Variants in RFTN1 observed in about 807,000 individuals in gnomAD.
The protein encoded by RFTN1 is raftlin.
Under a neutral mutation model 46.5 loss-of-function variants are expected in RFTN1, and 26 were observed. The ratio of observed to expected loss-of-function variants is 0.56; its 90% CI spans 0.41 to 0.78. The LOEUF (loss-of-function observed/expected upper bound fraction) is 0.78, where lower values mean the gene tolerates loss of function less well. Among genes scored for constraint, RFTN1 ranks in the 30% least tolerant of loss-of-function variants. The pLI, the probability that RFTN1 is intolerant of heterozygous loss-of-function variation, is 0.00. For missense variants in RFTN1, 693 were observed against 718.7 expected (o/e 0.96, Z 0.41); for synonymous variants, 261 against 284.2 (o/e 0.92, Z 0.82).
At chr3:16,409,626 T>G in intron 3 of RFTN1, 143 bp from the exon 4 acceptor site, 1 of 551,144 alleles carries the variant, frequency 1.8e-6, no homozygotes, top group Non-Finnish European at 3.3e-6. Flanking sequence ...CAAGCAATTG[T>G]CCTGCCTCAG....
rs2075193418 is a variant in RFTN1 at position 16,421,896 on chromosome 3, T to C, written c.332+11955A>G. On this transcript the variant is annotated intron_variant, in intron 3 of 9. Transcript: ENST00000334133. The surrounding 1 kb of genome is among the most constrained non-coding windows in gnomAD (Gnocchi z 4.6). ...TTACTGAGATCTCAGCTGAAAGTGCTTCCCTGAACCCAGCCCTTCTGCAGG... is the reference window on the plus strand; with the variant it reads ...TTACTGAGATCTCAGCTGAAAGTGCCTCCCTGAACCCAGCCCTTCTGCAGG... 6.6e-6 allele frequency among the ~76,000 whole-genome samples: 1 copy of C among 152,204 alleles called. No homozygotes were observed.
intron 1 of RFTN1, among the ~76,000 whole-genome samples, chr3:16,508,720 ACACC>A (rs1489799170): frequency 1.6e-4 from 24 of 151,616 alleles, no homozygotes; most frequent in Non-Finnish European, 2.7e-4. Context: ...ACACACACAC[ACACC>A]CCTTTAAAAG....
In RFTN1 at chr3:16,344,881, A is replaced by T. The variant is rs1351368008; in HGVS notation, c.1146+13051T>A. Among the ~76,000 whole-genome samples the T allele has an allele frequency of 1.3e-5, 2 of 152,100 alleles. No homozygotes were observed. Among genetic ancestry groups the T allele is most frequent in the Non-Finnish European group, 2.9e-5 (2 of 68,006 alleles). On this transcript the variant is annotated intron_variant, in intron 7 of 9. Coordinates refer to ENST00000334133, the MANE Select transcript of RFTN1 (RefSeq NM_015150.2). The surrounding 1 kb of genome is among the most constrained non-coding windows in gnomAD (Gnocchi z 4.4). Reference sequence around the variant, plus strand: ...CACATAACTACAAGAACACCCCCCAACCTTTTATGCTCACTGATTTAATAT... The same window carrying T: ...CACATAACTACAAGAACACCCCCCATCCTTTTATGCTCACTGATTTAATAT...
In RFTN1 at chr3:16,370,305, A is replaced by G. The variant is rs1381295191; in HGVS notation, c.827-26T>C. ...CTGTTGGGATTTGTAAAGGGAGTGGAGAGAGAAGAGGTCAACTGATGATAA... is the reference window on the plus strand; with the variant it reads ...CTGTTGGGATTTGTAAAGGGAGTGGGGAGAGAAGAGGTCAACTGATGATAA... On this transcript the variant is annotated intron_variant, in intron 5 of 9. Coordinates refer to ENST00000334133, the MANE Select transcript of RFTN1 (RefSeq NM_015150.2). This position sits in a 1 kb window ranked among gnomAD's most constrained non-coding sequence, Gnocchi z 5.5. The G allele has an allele frequency of 1.9e-6, 3 of 1,607,532 alleles. No individual in the cohort carries two copies.
At chr3:16,378,961 T>A (rs1009124261) in intron 4 of RFTN1, among the ~76,000 whole-genome samples, 1 of 152,110 alleles carries the variant, frequency 6.6e-6, no homozygotes, top group African/African-American at 2.4e-5. Flanking sequence ...AAAGAAAAAT[T>A]GAAAATAAAT....
At chr3:16,423,286 A>G (rs2075226303) in intron 3 of RFTN1, among the ~76,000 whole-genome samples, 1 of 152,140 alleles carries the variant, frequency 6.6e-6, no homozygotes, top group Non-Finnish European at 1.5e-5. Flanking sequence ...TCACAACTGC[A>G]GGGATGGGGG....
At chr3:16,431,652 T>G (rs1010912253) in intron 3 of RFTN1, among the ~76,000 whole-genome samples, 2 of 152,186 alleles carry the variant, frequency 1.3e-5, no homozygotes, top group Admixed American at 6.5e-5. Context: ...GCCACTCGGA[T>G]AATCTGCAGA....
In RFTN1 at chr3:16,352,166, G is replaced by A. The variant is rs1304947994; in HGVS notation, c.1146+5766C>T. On this transcript the variant is annotated intron_variant, in intron 7 of 9. Coordinates refer to ENST00000334133, the MANE Select transcript of RFTN1 (RefSeq NM_015150.2). This position sits in a 1 kb window ranked among gnomAD's most constrained non-coding sequence, Gnocchi z 4.6. Reference sequence around the variant, plus strand: ...ACCAGCCACCATACCAATTGCATCAGCTGTAAGTGCTTTTTCTACTCTCTT... The same window carrying A: ...ACCAGCCACCATACCAATTGCATCAACTGTAAGTGCTTTTTCTACTCTCTT... Among the ~76,000 whole-genome samples the A allele has an allele frequency of 6.6e-6, 1 of 152,226 alleles. No individual in the cohort carries two copies. The highest frequency in any genetic ancestry group is 1.9e-4 in the East Asian group (1 of 5,192).
rs1284943908 is a variant in RFTN1, at chr3:16,440,296, C to T, written c.146-6259G>A. Reference sequence around the variant, plus strand: ...CTTGGCTCACTGAAACCTCCGCCTTCTGGACTCAAGTGATCCTCCTGCCTC... The same window carrying T: ...CTTGGCTCACTGAAACCTCCGCCTTTTGGACTCAAGTGATCCTCCTGCCTC... On this transcript the variant is annotated intron_variant, in intron 2 of 9. Transcript: ENST00000334133. The surrounding 1 kb of genome is among the most constrained non-coding windows in gnomAD (Gnocchi z 4.6). 6.6e-6 allele frequency among the ~76,000 whole-genome samples: 1 copy of T among 152,242 alleles called. No individual in the cohort carries two copies. Among genetic ancestry groups the T allele is most frequent in the Admixed American group, 6.5e-5 (1 of 15,292 alleles).
rs1402386056 is a variant in RFTN1 at position 16,352,687 on chromosome 3, G to A, written c.1146+5245C>T. Among the ~76,000 whole-genome samples the A allele has an allele frequency of 6.6e-6, 1 of 152,220 alleles. No homozygotes were observed. Among genetic ancestry groups the A allele is most frequent in the African/African-American group, 2.4e-5 (1 of 41,452 alleles). ...TACCAGGTGACTGACACAGAAAGCAGTATGTAGTGAGGGCTTACTATGTGC... is the reference window on the plus strand; with the variant it reads ...TACCAGGTGACTGACACAGAAAGCAATATGTAGTGAGGGCTTACTATGTGC... On this transcript the variant is annotated intron_variant, in intron 7 of 9. Coordinates refer to ENST00000334133, the MANE Select transcript of RFTN1 (RefSeq NM_015150.2). The surrounding 1 kb of genome is among the most constrained non-coding windows in gnomAD (Gnocchi z 4.6).
At position 16,450,484 on chromosome 3, in the gene RFTN1, A is replaced by G. The variant is rs919825137; in HGVS notation, c.146-16447T>C. ...CTCTCCCACTGCACCATGATGCTGC[A>G]TGACCTGAAGTCCACCAGCATCCTG... On this transcript the variant is annotated intron_variant, in intron 2 of 9. Transcript: ENST00000334133. The surrounding 1 kb of genome is among the most constrained non-coding windows in gnomAD (Gnocchi z 4.6). Among the ~76,000 whole-genome samples the G allele has an allele frequency of 2.6e-5, 4 of 152,176 alleles. No individual in the cohort carries two copies. The highest frequency in any genetic ancestry group is 4.8e-5 in the African/African-American group (2 of 41,452).
At chr3:16,339,604 C>A (rs490059) in intron 7 of RFTN1, 106,222 of 152,086 alleles carry the variant, frequency 0.7, 37,245 homozygotes, top group Admixed American at 0.76. Flanking sequence ...TGATGAAAAA[C>A]CCAAAGTCCA....
chr3:16,335,529 C>G lies in RFTN1; in HGVS notation c.1147-8653G>C, dbSNP rs1004698748. On this transcript the variant is annotated intron_variant, in intron 7 of 9. Coordinates refer to ENST00000334133, the MANE Select transcript of RFTN1 (RefSeq NM_015150.2). The surrounding 1 kb of genome is among the most constrained non-coding windows in gnomAD (Gnocchi z 4.7). The stretch of plus-strand genomic sequence containing the variant: ...CGCAGGAACAGAAAATCAAACACCA[C>G]ATGTTCTCACTTACAAGTGGGAGAG... 3.9e-5 allele frequency among the ~76,000 whole-genome samples: 6 copies of G among 152,200 alleles called. No individual in the cohort carries two copies. Among genetic ancestry groups the G allele is most frequent in the African/African-American group, 9.7e-5 (4 of 41,438 alleles).
At chr3:16,403,789 TTATA>T (rs2074692271) in intron 4 of RFTN1, among the ~76,000 whole-genome samples, 1 of 12,856 alleles carries the variant, frequency 7.8e-5, no homozygotes, top group Admixed American at 1.6e-3. Context: ...ATTATATATT[TTATA>T]TATAATATAT....
Position 16,374,850 on chromosome 3 carries a change from G to A in RFTN1, c.826+2868C>T, listed in dbSNP as rs1050090786. Among the ~76,000 whole-genome samples the A allele has an allele frequency of 3.7e-4, 57 of 152,248 alleles. No homozygotes were observed. Among genetic ancestry groups the A allele is most frequent in the African/African-American group, 1.3e-3 (54 of 41,550 alleles). The stretch of plus-strand genomic sequence containing the variant: ...CAGCGAGCAGGAAGAGGAACCCACG[G>A]CGGGCCTCCCCAAGAACCTGCAGGG... On this transcript the variant is annotated intron_variant, in intron 5 of 9. Transcript: ENST00000334133. This position sits in a 1 kb window ranked among gnomAD's most constrained non-coding sequence, Gnocchi z 5.4.
chr3:16,413,058 GA>G lies in RFTN1; in HGVS notation c.333-3576del, dbSNP rs2075006323. 6.6e-6 allele frequency among the ~76,000 whole-genome samples: 1 copy of G among 152,206 alleles called. No individual in the cohort carries two copies. The highest frequency in any genetic ancestry group is 1.5e-5 in the Non-Finnish European group (1 of 68,036). On this transcript the variant is annotated intron_variant, in intron 3 of 9. Coordinates refer to ENST00000334133, the MANE Select transcript of RFTN1 (RefSeq NM_015150.2). The surrounding 1 kb of genome is among the most constrained non-coding windows in gnomAD (Gnocchi z 4.7). ...TATGATAATAAATACGTACCATTTT[GA>G]ACCATGAAATGTGTTATCATTTATT...
In RFTN1 at chr3:16,490,116, G is replaced by A. The variant is rs145730293; in HGVS notation, c.145+3609C>T. Among the ~76,000 whole-genome samples, 1,053 of 152,304 alleles carry A rather than the reference G, an allele frequency of 6.9e-3. 12 individuals are homozygous for A. Among genetic ancestry groups the A allele is most frequent in the African/African-American group, 0.024 (977 of 41,550 alleles). On this transcript the variant is annotated intron_variant, in intron 2 of 9. Transcript: ENST00000334133. The stretch of plus-strand genomic sequence containing the variant: ...GGTTTACTAGGACCCGACTATGCAA[G>A]ACAGGCTCATCTCAGCTAGAAAGCT...
chr3:16,397,126 A>G (rs2074488150), intron 4 of RFTN1, among the ~76,000 whole-genome samples: 1 of 152,104 alleles, frequency 6.6e-6, no homozygotes, highest in Non-Finnish European at 1.5e-5. Flanking sequence ...GAATGGATGA[A>G]AAATTGTAAG....
chr3:16,327,824 G>A lies in RFTN1; in HGVS notation c.1147-948C>T, dbSNP rs867077334. 1.2e-4 allele frequency among the ~76,000 whole-genome samples: 18 copies of A among 151,902 alleles called. No individual in the cohort carries two copies. The highest frequency in any genetic ancestry group is 1.9e-4 in the Non-Finnish European group (13 of 67,964). ...GCTAGCACAGGGAGAGAGCCCTGAT[G>A]TGAGGCCCCTGCACTGGCTTCCACC... On this transcript the variant is annotated intron_variant, in intron 7 of 9. Coordinates refer to ENST00000334133, the MANE Select transcript of RFTN1 (RefSeq NM_015150.2). The surrounding 1 kb of genome is among the most constrained non-coding windows in gnomAD (Gnocchi z 4.2).
Sources: allele counts gnomAD v4.1 joint callset (sites outside exome capture counted in the v4.1 genomes callset), GRCh38; gene constraint gnomAD v4.1.1; non-coding constraint Gnocchi (gnomAD v3.1); transcripts MANE v1.5; gene names NCBI Gene and HGNC (gene_info 2026-07-23, HGNC 2026-07-21).